Variants in PPP1R37 observed in about 807,000 individuals in gnomAD.
The protein encoded by PPP1R37 is protein phosphatase 1 regulatory subunit 37, also known as leucine rich repeat containing 68.
A neutral mutation model predicts 61.0 loss-of-function variants in PPP1R37; 21 were observed. The observed-to-expected ratio is 0.34, with a 90% CI of 0.24 to 0.50. The LOEUF (loss-of-function observed/expected upper bound fraction) is 0.50. PPP1R37 is among the 20% of genes least tolerant of loss of function. The probability of loss-of-function intolerance (pLI) is 0.98; values close to 1 mark genes in which losing one functional copy is unlikely to be tolerated. For synonymous variants in PPP1R37, 443 were observed against 433.5 expected (o/e 1.02, Z -0.27); for missense variants, 910 against 952.7 (o/e 0.96, Z 0.59).
chr19:45,093,299 G>A lies in PPP1R37; in HGVS notation c.-27G>A. ...TCCGGGGCCCGGGGCATGTCCCCGG[G>A]GCCCCCGTGAGGAGGCGGCGGCGGC... On this transcript the variant is annotated 5_prime_UTR_variant, in exon 1 of 13. Transcript: ENST00000221462. 1.4e-6 allele frequency: 2 copies of A among 1,383,032 alleles called. No individual in the cohort carries two copies. Among genetic ancestry groups the A allele is most frequent in the Non-Finnish European group, 1.9e-6 (2 of 1,074,556 alleles). 85.7% of individuals were successfully genotyped at this position (1,383,032 alleles called of 1,614,324 possible). A position where few individuals can be genotyped will look rare whatever the true frequency, so the allele number is the denominator to read the frequency against.
intron 1 of PPP1R37, among the ~76,000 whole-genome samples, chr19:45,107,624 T>C (rs930146515): frequency 8.6e-5 from 13 of 151,998 alleles, no homozygotes; most frequent in African/African-American, 2.7e-4. Context: ...AGTAAATGAA[T>C]TGTTTGTCCC....
chr19:45,107,348 T>A (rs1189806470), intron 1 of PPP1R37, among the ~76,000 whole-genome samples: 1 of 151,880 alleles, frequency 6.6e-6, no homozygotes, highest in Non-Finnish European at 1.5e-5. Context: ...ACAATTGTAA[T>A]CCCAGCACTT....
intron 1 of PPP1R37, among the ~76,000 whole-genome samples, chr19:45,131,780 A>G (rs569563454): frequency 1.3e-5 from 2 of 152,140 alleles, no homozygotes; most frequent in African/African-American, 4.8e-5. Context: ...AGTTTCTGAT[A>G]CCGGGAAGTG....
intron 1 of PPP1R37, among the ~76,000 whole-genome samples, chr19:45,104,425 G>A (rs1339638007): frequency 1.3e-5 from 2 of 152,326 alleles, no homozygotes; most frequent in East Asian, 3.9e-4. Flanking sequence ...AGGCACTGGG[G>A]CTCAGGACAG....
At chr19:45,096,733 C>A (rs568844164) in intron 1 of PPP1R37, among the ~76,000 whole-genome samples, 1 of 151,952 alleles carries the variant, frequency 6.6e-6, no homozygotes, top group African/African-American at 2.4e-5. Context: ...GGGAGTCTCT[C>A]ATTCCAGCGG....
intron 1 of PPP1R37, among the ~76,000 whole-genome samples, chr19:45,116,370 C>A (rs1052836466): frequency 4.6e-5 from 7 of 152,220 alleles, no homozygotes; most frequent in Non-Finnish European, 8.8e-5. Context: ...GGCCTGGCTC[C>A]TTGTTGGCTA....
At chr19:45,106,061 GGTGTTT>G (rs950527822) in intron 1 of PPP1R37, among the ~76,000 whole-genome samples, 3 of 152,150 alleles carry the variant, frequency 2.0e-5, no homozygotes, top group African/African-American at 7.2e-5. Flanking sequence ...GTTAGGTCCA[GGTGTTT>G]GTGCTTACTG....
At chr19:45,134,434 C>T (rs1968514412) in intron 1 of PPP1R37, among the ~76,000 whole-genome samples, 1 of 152,138 alleles carries the variant, frequency 6.6e-6, no homozygotes, top group Admixed American at 6.5e-5. Flanking sequence ...CGAACTTCCT[C>T]TCTGATCTGC....
intron 1 of PPP1R37, among the ~76,000 whole-genome samples, chr19:45,128,146 C>G (rs1227936297): frequency 1.3e-5 from 2 of 152,130 alleles, no homozygotes; most frequent in African/African-American, 2.4e-5. Context: ...GGAAGTTTCT[C>G]TCTCCCTGTC....
Position 45,145,543 on chromosome 19 carries a change from C to T in PPP1R37, c.1487C>T (p.Ala496Val). Reference sequence around the variant, plus strand: ...CCCGCCGCTGGGGTGCAGAACGGGGCCCCCAGCCCCGCACCCAGCCCGGAC... The same window carrying T: ...CCCGCCGCTGGGGTGCAGAACGGGGTCCCCAGCCCCGCACCCAGCCCGGAC... ...DEPAAGVQNG[A>V]PSPAPSPDSD... The change falls in exon 11 of 13, where the codon GCC (alanine) becomes GTC (valine). Residue 496 changes from alanine (A) to valine (V), a missense_variant. By Grantham distance (64) the Ala-to-Val change is moderately conservative. Coordinates refer to ENST00000221462, the MANE Select transcript of PPP1R37 (RefSeq NM_019121.2). 6.5e-7 allele frequency: 1 copy of T among 1,534,298 alleles called. No individual in the cohort carries two copies. Among genetic ancestry groups the T allele is most frequent in the East Asian group, 2.4e-5 (1 of 40,864 alleles).
rs761479823 is a variant in PPP1R37, at chr19:45,130,474, G to A, written c.203-8040G>A. 6.6e-6 allele frequency among the ~76,000 whole-genome samples: 1 copy of A among 152,124 alleles called. No individual in the cohort carries two copies. Among genetic ancestry groups the A allele is most frequent in the Non-Finnish European group, 1.5e-5 (1 of 68,020 alleles). On this transcript the variant is annotated intron_variant, in intron 1 of 12. Coordinates refer to ENST00000221462, the MANE Select transcript of PPP1R37 (RefSeq NM_019121.2). The surrounding 1 kb of genome is among the most constrained non-coding windows in gnomAD (Gnocchi z 4.4). ...TGCTCCCACCGTCACACTTAAGCCT[G>A]CCCCAGTGGTTGCTGCCTGCCACGG...
At chr19:45,143,350 T>G in intron 7 of PPP1R37, 171 bp from the exon 8 acceptor site, 1 of 550,760 alleles carries the variant, frequency 1.8e-6, no homozygotes, top group Non-Finnish European at 3.2e-6. Context: ...GGCCCAGGGG[T>G]CACAGATGTG....
chr19:45,108,046 G>A (rs756161622), intron 1 of PPP1R37, among the ~76,000 whole-genome samples: 2 of 152,178 alleles, frequency 1.3e-5, no homozygotes, highest in Non-Finnish European at 2.9e-5. Context: ...ATTCTTAGAA[G>A]GTGATTTTAC....
chr19:45,120,492 G>T (rs1968328788), intron 1 of PPP1R37, among the ~76,000 whole-genome samples: 2 of 152,224 alleles, frequency 1.3e-5, no homozygotes, highest in African/African-American at 4.8e-5. Context: ...GTCCCTGCTG[G>T]TGGATATTGT....
At chr19:45,109,237 G>C (rs746636186) in intron 1 of PPP1R37, among the ~76,000 whole-genome samples, 34 of 152,210 alleles carry the variant, frequency 2.2e-4, no homozygotes, top group Non-Finnish European at 4.0e-4. Flanking sequence ...TGCAGGAAAG[G>C]TGGGGGACAG....
intron 8 of PPP1R37, 46 bp downstream of exon 8, chr19:45,143,679 C>A: frequency 8.8e-7 from 1 of 1,135,482 alleles, no homozygotes; most frequent in Non-Finnish European, 1.3e-6. Flanking sequence ...TCCCCGCTGC[C>A]ACCTCCCACT....
chr19:45,102,568 C>T (rs186252734), intron 1 of PPP1R37, among the ~76,000 whole-genome samples: 131 of 152,326 alleles, frequency 8.6e-4, no homozygotes, highest in African/African-American at 2.8e-3. Flanking sequence ...TGGTTCCTGC[C>T]TCCCCCGGCT....
chr19:45,099,118 C>T (rs953816129), intron 1 of PPP1R37, among the ~76,000 whole-genome samples: 1 of 152,192 alleles, frequency 6.6e-6, no homozygotes, highest in Non-Finnish European at 1.5e-5. Flanking sequence ...CCTCTGCCCC[C>T]ACCTATAGCC....
Position 45,121,094 on chromosome 19 carries a change from G to C in PPP1R37, c.203-17420G>C, listed in dbSNP as rs953851117. Among the ~76,000 whole-genome samples the C allele has an allele frequency of 6.6e-6, 1 of 152,218 alleles. No homozygotes were observed. The highest frequency in any genetic ancestry group is 1.5e-5 in the Non-Finnish European group (1 of 68,048). ...GTTTGTCAATCGCTTAGTTTTGGGA[G>C]TGGGCGCAAAGTTACGGCTCCACCG... On this transcript the variant is annotated intron_variant, in intron 1 of 12. Coordinates refer to ENST00000221462, the MANE Select transcript of PPP1R37 (RefSeq NM_019121.2). The surrounding 1 kb of genome is among the most constrained non-coding windows in gnomAD (Gnocchi z 4.2).
Sources: allele counts gnomAD v4.1 joint callset (sites outside exome capture counted in the v4.1 genomes callset), GRCh38; gene constraint gnomAD v4.1.1; non-coding constraint Gnocchi (gnomAD v3.1); transcripts MANE v1.5; gene names NCBI Gene and HGNC (gene_info 2026-07-23, HGNC 2026-07-21).